Variants in GPC5 observed in about 807,000 individuals in gnomAD.
GPC5 encodes the protein glypican 5.
GPC5 carries 47 observed loss-of-function variants against 53.9 expected under a neutral mutation model. The ratio of observed to expected loss-of-function variants is 0.87; its 90% CI spans 0.69 to 1.11. GPC5 has a LOEUF of 1.11. GPC5 is among the 50% of genes most tolerant of loss of function. The pLI is 0.00. For missense variants in GPC5, 748 were observed against 713.1 expected (o/e 1.05, Z -0.56); for synonymous variants, 286 against 263.3 (o/e 1.09, Z -0.84).
chr13:91,765,406 C>G (rs1402031350), intron 5 of GPC5, among the ~76,000 whole-genome samples: 1 of 152,216 alleles, frequency 6.6e-6, no homozygotes, highest in Non-Finnish European at 1.5e-5. Flanking sequence ...TCTAGCACCT[C>G]ACTGAAAGTG....
At chr13:91,797,385 T>A (rs1158391440) in intron 5 of GPC5, among the ~76,000 whole-genome samples, 6 of 152,082 alleles carry the variant, frequency 3.9e-5, no homozygotes, top group African/African-American at 9.7e-5. Context: ...AAGAAAAAAA[T>A]TTTAAAAATT....
chr13:92,156,386 T>C (rs1253789137), intron 7 of GPC5, among the ~76,000 whole-genome samples: 2 of 152,202 alleles, frequency 1.3e-5, no homozygotes, highest in Non-Finnish European at 2.9e-5. Context: ...AGTTCTCTGC[T>C]GTTTTCACAT....
chr13:91,467,913 A>G (rs1882349870), intron 2 of GPC5, among the ~76,000 whole-genome samples: 2 of 152,272 alleles, frequency 1.3e-5, no homozygotes, highest in South Asian at 2.1e-4. Context: ...GAGATTATCT[A>G]GACAGGTTTT....
chr13:92,481,527 A>G (rs1879356768), intron 7 of GPC5, among the ~76,000 whole-genome samples: 1 of 152,180 alleles, frequency 6.6e-6, no homozygotes, highest in African/African-American at 2.4e-5. Flanking sequence ...TTGTATCCGG[A>G]AAGCAAAACC....
At chr13:92,464,602 C>T (rs1878619629) in intron 7 of GPC5, among the ~76,000 whole-genome samples, 1 of 151,928 alleles carries the variant, frequency 6.6e-6, no homozygotes, top group African/African-American at 2.4e-5. Flanking sequence ...GTTAAGAATA[C>T]CTTGACTCAA....
intron 7 of GPC5, among the ~76,000 whole-genome samples, chr13:92,463,106 T>G (rs1878559923): frequency 6.6e-6 from 1 of 152,120 alleles, no homozygotes; most frequent in Admixed American, 6.5e-5. Context: ...GGGGCAAGGA[T>G]AGGGCTTCAC....
intron 6 of GPC5, among the ~76,000 whole-genome samples, chr13:92,081,183 C>T (rs1397230011): frequency 1.3e-5 from 2 of 152,072 alleles, no homozygotes; most frequent in Non-Finnish European, 2.9e-5. Flanking sequence ...ATCACTGCAA[C>T]TTCCGCCTCC....
At chr13:92,596,266 G>A (rs1240737466) in intron 7 of GPC5, among the ~76,000 whole-genome samples, 1 of 152,008 alleles carries the variant, frequency 6.6e-6, no homozygotes, top group Non-Finnish European at 1.5e-5. Flanking sequence ...ACTTTGGGAA[G>A]CAATGAAAGA....
At chr13:92,299,348 G>A (rs1456548459) in intron 7 of GPC5, among the ~76,000 whole-genome samples, 1 of 152,118 alleles carries the variant, frequency 6.6e-6, no homozygotes, top group Non-Finnish European at 1.5e-5. Context: ...CTTTACTTAG[G>A]AGAAAGCCTT....
At chr13:91,766,644 C>T (rs777512863) in intron 5 of GPC5, among the ~76,000 whole-genome samples, 9 of 152,130 alleles carry the variant, frequency 5.9e-5, no homozygotes, top group African/African-American at 1.2e-4. Flanking sequence ...GGGCAGAACA[C>T]GAGGTCAGGA....
intron 7 of GPC5, among the ~76,000 whole-genome samples, chr13:92,749,908 A>G (rs1231133487): frequency 1.3e-5 from 2 of 152,310 alleles, no homozygotes; most frequent in African/African-American, 4.8e-5. Context: ...TCTGCACACT[A>G]AAATCAATGG....
chr13:91,595,216 A>G (rs1231101074), intron 2 of GPC5, among the ~76,000 whole-genome samples: 1 of 151,708 alleles, frequency 6.6e-6, no homozygotes, highest in African/African-American at 2.4e-5. Context: ...ATGGGGTTTC[A>G]CCATGTTGGC....
intron 7 of GPC5, among the ~76,000 whole-genome samples, chr13:92,454,114 T>C (rs1048911501): frequency 3.9e-5 from 6 of 152,158 alleles, no homozygotes; most frequent in Admixed American, 3.9e-4. Flanking sequence ...GTATAAACCA[T>C]ATTCATCAGG....
chr13:92,025,670 T>G (rs2040795415), intron 6 of GPC5, among the ~76,000 whole-genome samples: 1 of 152,186 alleles, frequency 6.6e-6, no homozygotes, highest in Admixed American at 6.5e-5. Context: ...GTACCCTTTT[T>G]GTCCATGAGA....
At chr13:92,300,256 A>G (rs770947317) in intron 7 of GPC5, among the ~76,000 whole-genome samples, 4 of 152,050 alleles carry the variant, frequency 2.6e-5, no homozygotes, top group Non-Finnish European at 4.4e-5. Flanking sequence ...CACTGCACCA[A>G]TTTCTCTGAT....
chr13:92,080,824 C>A (rs2041289263), intron 6 of GPC5, among the ~76,000 whole-genome samples: 1 of 152,180 alleles, frequency 6.6e-6, no homozygotes, highest in South Asian at 2.1e-4. Context: ...CTGGCTCATC[C>A]ACCCACAGAT....
At chr13:92,284,776 A>G (rs1409831360) in intron 7 of GPC5, among the ~76,000 whole-genome samples, 1 of 152,100 alleles carries the variant, frequency 6.6e-6, no homozygotes, top group African/African-American at 2.4e-5. Context: ...CAAACTCACA[A>G]TCAATATCAT....
At chr13:92,502,017 C>A (rs925108183) in intron 7 of GPC5, among the ~76,000 whole-genome samples, 1 of 151,828 alleles carries the variant, frequency 6.6e-6, no homozygotes, top group African/African-American at 2.4e-5. Context: ...GAAAGAAGAG[C>A]GACAAAAATG....
At chr13:91,481,667 A>G (rs76860509) in intron 2 of GPC5, among the ~76,000 whole-genome samples, 10,843 of 152,164 alleles carry the variant, frequency 0.071, 473 homozygotes, top group Non-Finnish European at 0.097. Flanking sequence ...CTACTTAATT[A>G]TCGAAAGCTG....
Sources: allele counts gnomAD v4.1 joint callset (sites outside exome capture counted in the v4.1 genomes callset), GRCh38; gene constraint gnomAD v4.1.1; transcripts MANE v1.5; gene names NCBI Gene and HGNC (gene_info 2026-07-23, HGNC 2026-07-21).